The following RIMS2 variants were observed in gnomAD, a reference collection of about 807,000 sequenced individuals.
The protein encoded by RIMS2 is regulating synaptic membrane exocytosis 2.
A neutral mutation model predicts 174.4 loss-of-function variants in RIMS2; 59 were observed. The observed-to-expected ratio is 0.34, with a 90% CI of 0.27 to 0.42. RIMS2 has a LOEUF of 0.42. Among genes scored for constraint, RIMS2 ranks in the 10% least tolerant of loss-of-function variants. The pLI, the probability that RIMS2 is intolerant of heterozygous loss-of-function variation, is 1.00. For missense variants in RIMS2, 1,620 were observed against 1,666.3 expected (o/e 0.97, Z 0.48); for synonymous variants, 606 against 572.5 (o/e 1.06, Z -0.84).
chr8:104,152,020 A>G (rs1028279943), intron 19 of RIMS2, among the ~76,000 whole-genome samples: 3 of 152,176 alleles, frequency 2.0e-5, no homozygotes, highest in Non-Finnish European at 4.4e-5. Flanking sequence ...ATGTCTTTAC[A>G]TGTTTGGCAC....
intron 1 of RIMS2, among the ~76,000 whole-genome samples, chr8:103,673,249 C>T (rs909473158): frequency 2.0e-5 from 3 of 152,158 alleles, no homozygotes; most frequent in African/African-American, 7.2e-5. Context: ...CAAGCTCCCA[C>T]TGGATCTACC....
At chr8:103,863,610 A>G (rs185243503) in intron 3 of RIMS2, among the ~76,000 whole-genome samples, 2 of 151,724 alleles carry the variant, frequency 1.3e-5, no homozygotes, top group Admixed American at 1.3e-4. Context: ...TTTTTGGTTA[A>G]TGATTCAATT....
Position 104,003,780 on chromosome 8 carries a change from T to C in RIMS2, c.3045-9662T>C, listed in dbSNP as rs780917179. 2.7e-4 allele frequency among the ~76,000 whole-genome samples: 41 copies of C among 152,074 alleles called. 1 individual carries two copies. The highest frequency in any genetic ancestry group is 4.4e-5 in the Non-Finnish European group (3 of 68,002). ...GATCAAAGACTGTAGGTTCTAGAGG[T>C]ACTTGGAAGGGATTTAATTAGAAAT... On this transcript the variant is annotated intron_variant, in intron 17 of 23. Transcript: ENST00000504942.
At chr8:104,070,153 A>G (rs954236548) in intron 19 of RIMS2, among the ~76,000 whole-genome samples, 1 of 152,228 alleles carries the variant, frequency 6.6e-6, no homozygotes, top group African/African-American at 2.4e-5. Context: ...GTATGTACAT[A>G]TGTACCAGTT....
chr8:103,828,169 A>G (rs1323918811), intron 3 of RIMS2, among the ~76,000 whole-genome samples: 2 of 152,132 alleles, frequency 1.3e-5, no homozygotes. Flanking sequence ...TGAAATGTCT[A>G]TGACAGGTTT....
chr8:103,507,736 A>G (rs1384127234), intron 1 of RIMS2, among the ~76,000 whole-genome samples: 1 of 152,102 alleles, frequency 6.6e-6, no homozygotes, highest in African/African-American at 2.4e-5. Context: ...TGTGATAGAT[A>G]TCATTTTTAA....
intron 14 of RIMS2, among the ~76,000 whole-genome samples, chr8:103,955,956 AACAG>A (rs1401323260): frequency 6.6e-6 from 1 of 152,184 alleles, no homozygotes; most frequent in Admixed American, 6.5e-5. Context: ...ATACACTAAT[AACAG>A]ACAAACATAG....
At chr8:103,513,112 G>A (rs1208832606) in intron 1 of RIMS2, among the ~76,000 whole-genome samples, 7 of 152,186 alleles carry the variant, frequency 4.6e-5, no homozygotes, top group African/African-American at 1.4e-4. Context: ...TTCCCAGGAT[G>A]AACCCAGAAT....
intron 3 of RIMS2, among the ~76,000 whole-genome samples, chr8:103,866,146 TG>T: frequency 6.6e-6 from 1 of 152,338 alleles, no homozygotes; most frequent in South Asian, 2.1e-4. Flanking sequence ...TGCTCCAAAA[TG>T]CCATGTTAAT....
chr8:103,876,794 A>T (rs1377706166), intron 3 of RIMS2, among the ~76,000 whole-genome samples: 1 of 145,912 alleles, frequency 6.9e-6, no homozygotes, highest in Non-Finnish European at 1.5e-5. Context: ...GTGGCTGAGT[A>T]GTATTCCATT....
chr8:104,147,686 G>A (rs2098653264), intron 19 of RIMS2, among the ~76,000 whole-genome samples: 1 of 152,108 alleles, frequency 6.6e-6, no homozygotes, highest in South Asian at 2.1e-4. Context: ...GTGTAAATAA[G>A]TATTTTCATT....
chr8:103,795,158 C>T (rs2098539358), intron 3 of RIMS2, among the ~76,000 whole-genome samples: 1 of 152,166 alleles, frequency 6.6e-6, no homozygotes, highest in Non-Finnish European at 1.5e-5. Flanking sequence ...TGGCACTATT[C>T]ACAATAGCAA....
chr8:103,941,503 G>A (rs1027528398), intron 13 of RIMS2, among the ~76,000 whole-genome samples: 29 of 151,688 alleles, frequency 1.9e-4, no homozygotes, highest in African/African-American at 7.0e-4. Context: ...AAAAAATAAA[G>A]AATGAAATAT....
intron 17 of RIMS2, among the ~76,000 whole-genome samples, chr8:104,005,460 T>A (rs918246729): frequency 6.6e-6 from 1 of 152,114 alleles, no homozygotes; most frequent in African/African-American, 2.4e-5. Flanking sequence ...GGCAAGAATA[T>A]GCAAAAACCA....
intron 2 of RIMS2, among the ~76,000 whole-genome samples, chr8:103,744,147 G>C (rs2097785778): frequency 6.6e-6 from 1 of 152,196 alleles, no homozygotes; most frequent in African/African-American, 2.4e-5. Context: ...CCAGGTTTAA[G>C]TGATCCTCCT....
At chr8:103,755,440 G>T (rs1172642688) in intron 2 of RIMS2, among the ~76,000 whole-genome samples, 1 of 152,026 alleles carries the variant, frequency 6.6e-6, no homozygotes, top group African/African-American at 2.4e-5. Flanking sequence ...TATCTTTATG[G>T]TGTTCTTTAT....
At chr8:103,819,421 G>GT (rs1462465183) in intron 3 of RIMS2, 2 of 1,586,536 alleles carry the variant, frequency 1.3e-6, no homozygotes, top group African/African-American at 2.7e-5. Flanking sequence ...TGATTGGCGT[G>GT]TTTTTATTTG....
At chr8:104,083,577 T>C (rs539255040) in intron 19 of RIMS2, among the ~76,000 whole-genome samples, 4 of 152,226 alleles carry the variant, frequency 2.6e-5, no homozygotes, top group Non-Finnish European at 5.9e-5. Flanking sequence ...ACGGTTTCTT[T>C]ATGACTTTTC....
At chr8:103,501,332 T>G in intron 1 of RIMS2, 16 of 207,646 alleles carry the variant, frequency 7.7e-5, no homozygotes, top group Non-Finnish European at 1.4e-4. Context: ...CTTTCCGGAT[T>G]TCCTCGCTGG....
Sources: allele counts gnomAD v4.1 joint callset (sites outside exome capture counted in the v4.1 genomes callset), GRCh38; gene constraint gnomAD v4.1.1; transcripts MANE v1.5; gene names NCBI Gene and HGNC (gene_info 2026-07-23, HGNC 2026-07-21).